Variants in SCHIP1 observed in about 807,000 individuals in gnomAD.
SCHIP1 encodes the protein schwannomin interacting protein 1, also known as schwannomin-interacting protein 1.
Under a neutral mutation model 29.7 loss-of-function variants are expected in SCHIP1, and 8 were observed. The ratio of observed to expected loss-of-function variants is 0.27; its 90% CI spans 0.16 to 0.49. SCHIP1 has a LOEUF of 0.49. Among genes scored for constraint, SCHIP1 ranks in the 20% least tolerant of loss-of-function variants. SCHIP1 has a pLI of 0.99. For missense variants in SCHIP1, 193 were observed against 294.6 expected, an observed-to-expected ratio of 0.66 and a Z score of 2.52; for synonymous variants, 76 against 94.9, an observed-to-expected ratio of 0.80 and a Z score of 1.16.
chr3:159,705,284 A>T, the SCHIP1 span, among the ~76,000 whole-genome samples: 1 of 151,970 alleles, frequency 6.6e-6, no homozygotes. Flanking sequence ...TATTTTCAAA[A>T]ATTAATTTTG....
the SCHIP1 span, among the ~76,000 whole-genome samples, chr3:159,280,595 C>T: frequency 1.3e-5 from 2 of 152,152 alleles, no homozygotes; most frequent in Non-Finnish European, 2.9e-5. Flanking sequence ...ATATTTGGAA[C>T]ACAGGGTGGC....
chr3:159,635,032 TAAG>T, the SCHIP1 span, among the ~76,000 whole-genome samples: 581 of 152,294 alleles, frequency 3.8e-3, 1 homozygote, highest in Admixed American at 6.1e-3. Flanking sequence ...CTTTGTATTA[TAAG>T]AAGAACCAGA....
the SCHIP1 span, among the ~76,000 whole-genome samples, chr3:159,318,526 G>A: frequency 1.3e-5 from 2 of 152,206 alleles, no homozygotes; most frequent in African/African-American, 4.8e-5. Context: ...GGGCTGTAGT[G>A]CTGCAGCTGT....
At chr3:159,594,020 T>C in the SCHIP1 span, among the ~76,000 whole-genome samples, 1 of 152,206 alleles carries the variant, frequency 6.6e-6, no homozygotes, top group Non-Finnish European at 1.5e-5. Flanking sequence ...ACAAATTCAC[T>C]CTGGAGCTGC....
At chr3:159,832,016 T>A in the SCHIP1 span, among the ~76,000 whole-genome samples, 2 of 152,174 alleles carry the variant, frequency 1.3e-5, no homozygotes, top group Non-Finnish European at 1.5e-5. Flanking sequence ...GTTTCATCCA[T>A]CTTCTTTTTC....
chr3:159,745,911 C>G, the SCHIP1 span, among the ~76,000 whole-genome samples: 1 of 152,150 alleles, frequency 6.6e-6, no homozygotes, highest in African/African-American at 2.4e-5. Context: ...CAAGGTTTAT[C>G]ATATCCTATG....
At chr3:159,637,838 C>T in the SCHIP1 span, among the ~76,000 whole-genome samples, 1 of 152,130 alleles carries the variant, frequency 6.6e-6, no homozygotes, top group Admixed American at 6.5e-5. Context: ...CAAGATATTT[C>T]TATAATATTT....
the SCHIP1 span, among the ~76,000 whole-genome samples, chr3:159,639,249 T>C: frequency 6.6e-6 from 1 of 152,166 alleles, no homozygotes; most frequent in Non-Finnish European, 1.5e-5. Context: ...CCCTTAGTCC[T>C]CATTTTTCTG....
At chr3:159,525,179 C>T in the SCHIP1 span, among the ~76,000 whole-genome samples, 1 of 152,218 alleles carries the variant, frequency 6.6e-6, no homozygotes, top group Admixed American at 6.5e-5. Context: ...AAAATTATAA[C>T]ACGCATACAG....
chr3:159,843,899 C>G (rs1744526974), intron 1 of SCHIP1, among the ~76,000 whole-genome samples: 1 of 151,024 alleles, frequency 6.6e-6, no homozygotes, highest in African/African-American at 2.4e-5. Context: ...ACTTTCAGTC[C>G]TACTCCTTCC....
the SCHIP1 span, among the ~76,000 whole-genome samples, chr3:159,364,344 T>C: frequency 6.6e-6 from 1 of 152,218 alleles, no homozygotes; most frequent in East Asian, 1.9e-4. Flanking sequence ...AGGAAGGACT[T>C]TGTGGCCTAG....
the SCHIP1 span, among the ~76,000 whole-genome samples, chr3:159,307,609 T>C: frequency 3.9e-5 from 6 of 152,204 alleles, no homozygotes; most frequent in Non-Finnish European, 8.8e-5. Context: ...TTTGTTGCAA[T>C]TGCTTCTGAG....
At chr3:159,394,114 T>C in the SCHIP1 span, among the ~76,000 whole-genome samples, 8 of 150,640 alleles carry the variant, frequency 5.3e-5, 1 homozygote, top group African/African-American at 2.0e-4. Context: ...GGCTCTTTGT[T>C]TGTCTGTTGT....
chr3:159,334,223 C>T, the SCHIP1 span, among the ~76,000 whole-genome samples: 2 of 151,992 alleles, frequency 1.3e-5, no homozygotes, highest in Non-Finnish European at 2.9e-5. Context: ...TGAAAGTGTA[C>T]GAAGAGGTTG....
the SCHIP1 span, among the ~76,000 whole-genome samples, chr3:159,702,814 A>G: frequency 6.6e-6 from 1 of 152,250 alleles, no homozygotes; most frequent in Non-Finnish European, 1.5e-5. Flanking sequence ...AGGTTTGTAC[A>G]TTTCAAAACT....
chr3:159,696,563 A>G, the SCHIP1 span, among the ~76,000 whole-genome samples: 4 of 152,310 alleles, frequency 2.6e-5, no homozygotes, highest in African/African-American at 9.6e-5. Context: ...AGTTTCATTT[A>G]TTCATTCAAC....
the SCHIP1 span, among the ~76,000 whole-genome samples, chr3:159,714,795 C>A: frequency 6.6e-6 from 1 of 152,210 alleles, no homozygotes; most frequent in South Asian, 2.1e-4. Context: ...GCCCACCTGC[C>A]TCTGTAGACT....
the SCHIP1 span, among the ~76,000 whole-genome samples, chr3:159,713,491 G>A: frequency 6.6e-6 from 1 of 152,102 alleles, no homozygotes; most frequent in Admixed American, 6.6e-5. Flanking sequence ...TATTACAAAG[G>A]TAGTAAATTA....
At chr3:159,590,779 T>A in the SCHIP1 span, among the ~76,000 whole-genome samples, 1 of 152,184 alleles carries the variant, frequency 6.6e-6, no homozygotes, top group Non-Finnish European at 1.5e-5. Context: ...AGTTTACTTG[T>A]AAACATAGAG....
Sources: gnomAD v4.1 joint callset for allele counts (sites outside exome capture counted in the v4.1 genomes callset) on GRCh38, gnomAD v4.1.1 for gene constraint, MANE v1.5 for transcripts, NCBI Gene and HGNC (gene_info 2026-07-23, HGNC 2026-07-21) for gene names.